The following HECTD4 variants were observed in gnomAD, a reference collection of about 807,000 sequenced individuals.
HECTD4 encodes the protein HECT domain E3 ubiquitin protein ligase 4.
HECTD4 carries 114 observed loss-of-function variants against 471.5 expected under a neutral mutation model. The observed-to-expected ratio is 0.24, with a 90% CI of 0.21 to 0.28. The LOEUF (loss-of-function observed/expected upper bound fraction) is 0.28, where lower values mean the gene tolerates loss of function less well. Ranked by LOEUF, HECTD4 falls within the 10% of genes least tolerant of loss-of-function variation. The pLI is 1.00. For synonymous variants in HECTD4, 2,012 were observed against 2,256.0 expected, an observed-to-expected ratio of 0.89 and a Z score of 3.07; for missense variants, 3,866 against 5,651.5, an observed-to-expected ratio of 0.68 and a Z score of 10.13.
chr12:112,297,251 A>AGG (rs1353395114), intron 7 of HECTD4, among the ~76,000 whole-genome samples: 56 of 115,708 alleles, frequency 4.8e-4, no homozygotes, highest in East Asian at 2.3e-3. Flanking sequence ...AAGTGCAGCA[A>AGG]GTGGTAAGTG....
intron 1 of HECTD4, among the ~76,000 whole-genome samples, chr12:112,337,216 G>A (rs1197119644): frequency 6.6e-6 from 1 of 152,124 alleles, no homozygotes; most frequent in Non-Finnish European, 1.5e-5. Flanking sequence ...TTAATCAAAT[G>A]AGAAAATGCA....
chr12:112,222,788 C>T (rs11066198), intron 44 of HECTD4, among the ~76,000 whole-genome samples: 2 of 152,070 alleles, frequency 1.3e-5, no homozygotes, highest in Non-Finnish European at 2.9e-5. Context: ...GAGCCTTGAT[C>T]GCAACACTGC....
intron 72 of HECTD4, among the ~76,000 whole-genome samples, chr12:112,165,931 T>C (rs2030937144): frequency 6.6e-6 from 1 of 152,188 alleles, no homozygotes; most frequent in Non-Finnish European, 1.5e-5. Flanking sequence ...GGAGTCTCCT[T>C]AGTAGCAACC....
intron 32 of HECTD4, among the ~76,000 whole-genome samples, chr12:112,242,283 A>G (rs2033658353): frequency 6.6e-6 from 1 of 152,180 alleles, no homozygotes; most frequent in East Asian, 1.9e-4. Context: ...TTTTTAGAAA[A>G]GGTCATCTAT....
chr12:112,300,118 G>A (rs1033752605), intron 7 of HECTD4, among the ~76,000 whole-genome samples: 5 of 151,932 alleles, frequency 3.3e-5, no homozygotes, highest in African/African-American at 7.2e-5. Flanking sequence ...AGTTTGAGAC[G>A]AGGCTGGCCA....
chr12:112,219,256 T>G (rs1364931647), intron 45 of HECTD4, 130 bp downstream of exon 45: 2 of 537,626 alleles, frequency 3.7e-6, no homozygotes, highest in Non-Finnish European at 6.5e-6. Flanking sequence ...AGAGGGCATG[T>G]CACTGCAAAA....
At position 112,228,504 on chromosome 12, in the gene HECTD4, T is replaced by C. The variant is rs1052266829; in HGVS notation, c.6684+143A>G. 4.5e-6 allele frequency: 4 copies of C among 888,454 alleles called. No individual in the cohort carries two copies. Among genetic ancestry groups the C allele is most frequent in the Admixed American group, 6.9e-5 (2 of 29,010 alleles). 55.0% of individuals were successfully genotyped at this position (888,454 alleles called of 1,614,324 possible). A position where few individuals can be genotyped will look rare whatever the true frequency, so the allele number is the denominator to read the frequency against. On this transcript the variant is annotated intron_variant, in intron 42 of 75. Transcript: ENST00000682272. This position sits in a 1 kb window ranked among gnomAD's most constrained non-coding sequence, Gnocchi z 4.9. ...CACATAAGCATTACTATTAAATAAC[T>C]ATAACCAATACATAAATATACATCA...
At position 112,279,370 on chromosome 12, in the gene HECTD4, C is replaced by T. The variant is rs2135635368; in HGVS notation, c.1545G>A (p.Gly515=). ...TCTTCCGCAGCATTTTTAGAGGCAGCCCACAGCTAGTATTTGCTGGAGAAA... is the reference window on the plus strand; with the variant it reads ...TCTTCCGCAGCATTTTTAGAGGCAGTCCACAGCTAGTATTTGCTGGAGAAA... The part of the protein sequence containing the change: ...KEDQAANTSC[G]LPLKMLRKTP... The change falls in exon 9 of 76, where the codon GGG becomes GGA. Residue 515 remains glycine (G), a synonymous_variant. Transcript: ENST00000682272. The T allele has an allele frequency of 6.3e-7, 1 of 1,589,748 alleles. No homozygotes were observed. The highest frequency in any genetic ancestry group is 1.4e-5 in the African/African-American group (1 of 73,640).
chr12:112,283,689 T>C (rs1370524559), intron 7 of HECTD4, among the ~76,000 whole-genome samples: 1 of 152,206 alleles, frequency 6.6e-6, no homozygotes, highest in African/African-American at 2.4e-5. Context: ...CTTCTCGAAA[T>C]ATCTTCAGTG....
chr12:112,190,746 C>A (rs1365259743), intron 60 of HECTD4, 40 bp downstream of exon 60: 2 of 1,521,800 alleles, frequency 1.3e-6, no homozygotes, highest in African/African-American at 1.4e-5. Context: ...CCAGCTCCAC[C>A]CCCACCCTAG....
intron 52 of HECTD4, 133 bp from the exon 53 acceptor site, chr12:112,204,756 C>T (rs548450611): frequency 1.4e-4 from 101 of 719,960 alleles, no homozygotes; most frequent in Non-Finnish European, 2.1e-4. Flanking sequence ...AACCCTTTGG[C>T]GAAGGAAATT....
intron 7 of HECTD4, among the ~76,000 whole-genome samples, chr12:112,304,287 C>G (rs2035229710): frequency 7.6e-6 from 1 of 131,552 alleles, no homozygotes. Flanking sequence ...CTCTGTCACT[C>G]AGGCTGGAGC....
intron 44 of HECTD4, among the ~76,000 whole-genome samples, chr12:112,220,137 C>G (rs1233087505): frequency 6.6e-6 from 1 of 152,182 alleles, no homozygotes; most frequent in Non-Finnish European, 1.5e-5. Flanking sequence ...AAGCCCTTGG[C>G]TAAGTCCCTA....
intron 5 of HECTD4, 93 bp downstream of exon 5, chr12:112,309,468 G>A: frequency 8.3e-6 from 5 of 601,556 alleles, no homozygotes; most frequent in Non-Finnish European, 1.5e-5. Context: ...AGTCTATGGG[G>A]AGCTGGAATC....
chr12:112,236,237 G>T (rs1044979835), intron 35 of HECTD4, among the ~76,000 whole-genome samples: 2 of 152,204 alleles, frequency 1.3e-5, no homozygotes, highest in Admixed American at 6.5e-5. Flanking sequence ...AAGAATGGGG[G>T]CTTGGATCCT....
At chr12:112,314,903 A>C (rs1351519646) in intron 2 of HECTD4, among the ~76,000 whole-genome samples, 1 of 152,226 alleles carries the variant, frequency 6.6e-6, no homozygotes, top group African/African-American at 2.4e-5. Flanking sequence ...AGGATCATAA[A>C]GTCTAACAGT....
chr12:112,259,182 T>C lies in HECTD4; in HGVS notation c.2957A>G (p.Asn986Ser), dbSNP rs2034089806. The C allele has an allele frequency of 1.9e-6, 3 of 1,613,790 alleles. No homozygotes were observed. The highest frequency in any genetic ancestry group is 2.2e-5 in the East Asian group (1 of 44,884). ...PVLLTSLMHP[N>S]LQTLIMADAL... ...ATCCGCCATGATCAGAGTCTGTAAA[T>C]TTGGATGCATCAAGGAGGTCAGTAA... The change falls in exon 19 of 76, where the codon AAT (asparagine) becomes AGT (serine). Residue 986 changes from asparagine to serine, a missense_variant. Asn to Ser is a conservative substitution (Grantham distance 46, BLOSUM62 1). This residue lies in a region of HECTD4 where 525 missense variants were observed against 672.6 expected (regional missense o/e 0.78). Coordinates refer to ENST00000682272, the MANE Select transcript of HECTD4 (RefSeq NM_001388303.1).
chr12:112,312,162 T>C (rs941432860), intron 4 of HECTD4, among the ~76,000 whole-genome samples: 1 of 152,244 alleles, frequency 6.6e-6, no homozygotes, highest in African/African-American at 2.4e-5. Flanking sequence ...ACCAGTTTCT[T>C]AGAGACTCAC....
intron 23 of HECTD4, 44 bp from the exon 24 acceptor site, chr12:112,251,178 G>A: frequency 6.3e-7 from 1 of 1,584,524 alleles, no homozygotes; most frequent in Non-Finnish European, 8.6e-7. Flanking sequence ...AGTGTACACT[G>A]GCAGAGGCTG....
Sources: gnomAD v4.1 joint callset for allele counts (sites outside exome capture counted in the v4.1 genomes callset) on GRCh38, gnomAD v4.1.1 for gene constraint, gnomAD v4.1.1 regional missense constraint, Gnocchi (gnomAD v3.1) non-coding constraint, MANE v1.5 for transcripts, NCBI Gene and HGNC (gene_info 2026-07-23, HGNC 2026-07-21) for gene names.